The following PTPRD variants were observed in gnomAD, a reference collection of about 807,000 sequenced individuals.
PTPRD encodes protein tyrosine phosphatase receptor type D, also known as receptor-type tyrosine-protein phosphatase delta.
Under a neutral mutation model 214.5 loss-of-function variants are expected in PTPRD, and 34 were observed. The observed-to-expected ratio is 0.16, with a 90% confidence interval of 0.12 to 0.21. The LOEUF is 0.21. PTPRD is among the 10% of genes least tolerant of loss of function. The pLI, the probability that PTPRD is intolerant of heterozygous loss-of-function variation, is 1.00. For missense variants in PTPRD, 2,545 were observed against 2,398.7 expected (o/e 1.06, Z -1.27); for synonymous variants, 1,128 against 845.7 (o/e 1.33, Z -5.79).
At chr9:9,054,930 T>C (rs1303977798) in intron 10 of PTPRD, among the ~76,000 whole-genome samples, 1 of 152,000 alleles carries the variant, frequency 6.6e-6, no homozygotes, top group African/African-American at 2.4e-5. Context: ...CCAACCTGAG[T>C]CTTGATATAT....
At chr9:8,573,961 G>A (rs908447306) in intron 14 of PTPRD, among the ~76,000 whole-genome samples, 4 of 151,884 alleles carry the variant, frequency 2.6e-5, no homozygotes, top group African/African-American at 9.7e-5. Context: ...GGCTGACTAT[G>A]GTAATACTAA....
chr9:10,433,703 C>T (rs911430958), intron 2 of PTPRD, among the ~76,000 whole-genome samples: 22 of 151,832 alleles, frequency 1.4e-4, no homozygotes, highest in African/African-American at 4.8e-4. Context: ...AATTAATGTT[C>T]AAAACTAAAA....
intron 12 of PTPRD, among the ~76,000 whole-genome samples, chr9:8,719,128 T>C (rs1161288442): frequency 1.3e-5 from 2 of 152,156 alleles, no homozygotes; most frequent in Non-Finnish European, 2.9e-5. Flanking sequence ...TTTTTTCCTC[T>C]TTTTTAAGAT....
intron 11 of PTPRD, among the ~76,000 whole-genome samples, chr9:8,892,135 C>G (rs990396130): frequency 1.3e-5 from 2 of 152,162 alleles, no homozygotes; most frequent in African/African-American, 2.4e-5. Flanking sequence ...CTGACCCCAG[C>G]CCTAACAGCA....
At chr9:8,936,323 G>A in intron 11 of PTPRD, 1 of 150,470 alleles carries the variant, frequency 6.6e-6, no homozygotes, top group Non-Finnish European at 1.5e-5. Context: ...AGGGGGTGGT[G>A]CGAGGTGGGA....
intron 7 of PTPRD, among the ~76,000 whole-genome samples, chr9:9,579,407 A>C (rs573285009): frequency 7.2e-5 from 11 of 152,180 alleles, no homozygotes; most frequent in African/African-American, 1.2e-4. Context: ...CTAGTAAGTA[A>C]TATAGTTGAG....
intron 3 of PTPRD, among the ~76,000 whole-genome samples, chr9:10,264,312 T>C (rs1217628993): frequency 6.6e-6 from 1 of 152,050 alleles, no homozygotes; most frequent in Non-Finnish European, 1.5e-5. Context: ...CCTGGAAAGG[T>C]CACAGACACT....
At chr9:9,721,830 T>G (rs1033478902) in intron 7 of PTPRD, among the ~76,000 whole-genome samples, 1 of 152,086 alleles carries the variant, frequency 6.6e-6, no homozygotes, top group African/African-American at 2.4e-5. Flanking sequence ...CACTGAATCA[T>G]TTTAGTGCAT....
chr9:8,906,516 C>T (rs993138757), intron 11 of PTPRD, among the ~76,000 whole-genome samples: 2 of 152,144 alleles, frequency 1.3e-5, no homozygotes, highest in East Asian at 3.9e-4. Context: ...TGCTATGATA[C>T]ACTGACGTAC....
chr9:9,342,953 A>G (rs771857177), intron 9 of PTPRD, among the ~76,000 whole-genome samples: 1 of 151,204 alleles, frequency 6.6e-6, no homozygotes, highest in Non-Finnish European at 1.5e-5. Flanking sequence ...TCATTGTTCA[A>G]CTCCCACTTA....
At chr9:9,768,115 C>T (rs560423339) in intron 5 of PTPRD, among the ~76,000 whole-genome samples, 13 of 152,136 alleles carry the variant, frequency 8.5e-5, no homozygotes, top group Non-Finnish European at 1.5e-4. Flanking sequence ...TCCCCTAGGC[C>T]AACTTCTTTA....
intron 35 of PTPRD, among the ~76,000 whole-genome samples, chr9:8,407,736 G>T (rs918368173): frequency 1.3e-5 from 2 of 152,086 alleles, no homozygotes; most frequent in South Asian, 4.1e-4. Flanking sequence ...TGCAGCTTAC[G>T]TTTATACTCG....
chr9:10,263,354 A>T (rs549736335), intron 3 of PTPRD, among the ~76,000 whole-genome samples: 2 of 152,300 alleles, frequency 1.3e-5, no homozygotes, highest in East Asian at 3.9e-4. Context: ...AGGGCTCAGA[A>T]GACAGGAAAA....
At chr9:9,167,648 G>A (rs749636489) in intron 10 of PTPRD, among the ~76,000 whole-genome samples, 13 of 151,838 alleles carry the variant, frequency 8.6e-5, no homozygotes, top group Non-Finnish European at 1.3e-4. Context: ...CCAGCTACTC[G>A]AGAGGCTGAG....
intron 12 of PTPRD, among the ~76,000 whole-genome samples, chr9:8,718,622 G>C (rs1439097290): frequency 6.6e-6 from 1 of 152,134 alleles, no homozygotes; most frequent in Non-Finnish European, 1.5e-5. Context: ...TAAGCCAAGA[G>C]TTTTGTTTAA....
chr9:8,772,382 G>A (rs2095266876), intron 11 of PTPRD, among the ~76,000 whole-genome samples: 1 of 70,224 alleles, frequency 1.4e-5, no homozygotes. Flanking sequence ...ACATAAAGGA[G>A]CACAGTACAT....
At chr9:9,069,360 A>G (rs371614560) in intron 10 of PTPRD, among the ~76,000 whole-genome samples, 2 of 152,230 alleles carry the variant, frequency 1.3e-5, no homozygotes, top group African/African-American at 2.4e-5. Flanking sequence ...CACACAAAAA[A>G]CTGGCTTTCA....
chr9:10,171,266 A>G (rs2099203226), intron 3 of PTPRD, among the ~76,000 whole-genome samples: 1 of 151,850 alleles, frequency 6.6e-6, no homozygotes, highest in East Asian at 1.9e-4. Flanking sequence ...TAATTCCCAC[A>G]TGTTGTGGGA....
intron 2 of PTPRD, among the ~76,000 whole-genome samples, chr9:10,450,798 G>A (rs1283081881): frequency 6.6e-6 from 1 of 151,948 alleles, no homozygotes; most frequent in East Asian, 1.9e-4. Flanking sequence ...TATGACTGCT[G>A]CTCTACCATC....
Sources: allele counts gnomAD v4.1 joint callset (sites outside exome capture counted in the v4.1 genomes callset), GRCh38; gene constraint gnomAD v4.1.1; transcripts MANE v1.5; gene names NCBI Gene and HGNC (gene_info 2026-07-23, HGNC 2026-07-21).